The following ADAM2 variants were observed in gnomAD, a reference collection of about 807,000 sequenced individuals.
ADAM2 encodes ADAM metallopeptidase domain 2, also known as disintegrin and metalloproteinase domain-containing protein 2.
A neutral mutation model predicts 99.3 loss-of-function variants in ADAM2; 101 were observed. The observed-to-expected ratio is 1.02, with a 90% CI of 0.87 to 1.20. The LOEUF is 1.20. ADAM2 is among the 50% of genes most tolerant of loss of function. The pLI, the probability that ADAM2 is intolerant of heterozygous loss-of-function variation, is 0.00. For missense variants in ADAM2, 948 were observed against 878.7 expected, an observed-to-expected ratio of 1.08 and a Z score of -1.00; for synonymous variants, 323 against 287.6, an observed-to-expected ratio of 1.12 and a Z score of -1.25.
intron 10 of ADAM2, among the ~76,000 whole-genome samples, chr8:39,779,578 G>A (rs183572074): frequency 1.3e-3 from 196 of 152,200 alleles, no homozygotes; most frequent in Middle Eastern, 3.4e-3. Context: ...AAAGGCAAGT[G>A]ACAATAAAGC....
At chr8:39,810,087 A>G (rs1804629567) in intron 6 of ADAM2, among the ~76,000 whole-genome samples, 1 of 152,200 alleles carries the variant, frequency 6.6e-6, no homozygotes, top group Non-Finnish European at 1.5e-5. Flanking sequence ...GGATGTAGGA[A>G]GACCTACCAA....
At chr8:39,761,786 G>A (rs980571216) in intron 14 of ADAM2, among the ~76,000 whole-genome samples, 2 of 151,950 alleles carry the variant, frequency 1.3e-5, no homozygotes, top group African/African-American at 4.8e-5. Flanking sequence ...ATTCTCATAA[G>A]ATCCAACCTA....
chr8:39,787,024 T>A lies in ADAM2; in HGVS notation c.841A>T (p.Thr281Ser). ...GCATCACACATCTTCCCTTGAAAGG[T>A]TGCACCAACATAATTTGACTTTTCT... ...YREKSNYVGA[T>S]FQGKMCDANY... is the part of the protein sequence containing the mutation. Residue 281 changes from threonine to serine, a missense_variant, in exon 10 of 21, where the codon ACC becomes TCC. By Grantham distance (58) the Thr-to-Ser change is moderately conservative. Transcript: ENST00000265708. The A allele has an allele frequency of 1.3e-6, 2 of 1,591,374 alleles. No individual in the cohort carries two copies. Among genetic ancestry groups the A allele is most frequent in the Non-Finnish European group, 1.7e-6 (2 of 1,168,352 alleles).
At position 39,821,051 on chromosome 8, in the gene ADAM2, T is replaced by C. The variant is rs376829382; in HGVS notation, c.464A>G (p.Glu155Gly). The change falls in exon 6 of 21, where the codon GAG (glutamate) becomes GGG (glycine). Residue 155 changes from glutamate (E) to glycine (G), a missense_variant. Coordinates refer to ENST00000265708, the MANE Select transcript of ADAM2 (RefSeq NM_001464.5). ...HKKADVSLYN[E>G]KDIESRDLSF... The stretch of plus-strand genomic sequence containing the variant: ...CAGATCTCTTGATTCAATATCCTTC[T>C]CATTATATAAGGAAACATCTGCTTT... 9.3e-6 allele frequency: 15 copies of C among 1,605,874 alleles called. No individual in the cohort carries two copies. The highest frequency in any genetic ancestry group is 1.3e-5 in the Non-Finnish European group (15 of 1,174,800).
chr8:39,808,942 G>C (rs1804574664), intron 7 of ADAM2, among the ~76,000 whole-genome samples: 2 of 151,758 alleles, frequency 1.3e-5, no homozygotes, highest in Admixed American at 6.6e-5. Flanking sequence ...AATACATAAA[G>C]AAAAATAAAC....
rs560985186 is a variant in ADAM2 at position 39,755,590 on chromosome 8, C to A, written c.1797+138G>T. On this transcript the variant is annotated intron_variant, in intron 16 of 20. Transcript: ENST00000265708. Reference sequence around the variant, plus strand: ...TCAAGAGGCTGAGGCAGGAGAATCACTTGAACCTGGGTGGCAGAGGTTGCA... The same window carrying A: ...TCAAGAGGCTGAGGCAGGAGAATCAATTGAACCTGGGTGGCAGAGGTTGCA... 1.4e-4 allele frequency: 87 copies of A among 604,792 alleles called. No individual in the cohort carries two copies. In the African/African-American group the frequency reaches 1.6e-3, roughly 11 times the overall value. The allele number at this position is 604,792 out of a possible 1,614,324, so 37.5% of individuals were successfully genotyped here. A position where few individuals can be genotyped will look rare whatever the true frequency, so the allele number is the denominator to read the frequency against.
chr8:39,765,484 G>GA (rs1441564965), intron 14 of ADAM2, among the ~76,000 whole-genome samples: 17 of 152,008 alleles, frequency 1.1e-4, no homozygotes, highest in African/African-American at 4.1e-4. Context: ...TTTGATAACA[G>GA]AAAAAATAGA....
intron 7 of ADAM2, among the ~76,000 whole-genome samples, chr8:39,791,083 C>T (rs1803692189): frequency 6.6e-6 from 1 of 151,396 alleles, no homozygotes; most frequent in Middle Eastern, 3.4e-3. Context: ...GATGTAAGGC[C>T]TCGAATGGGG....
intron 3 of ADAM2, among the ~76,000 whole-genome samples, chr8:39,828,913 A>G (rs915819706): frequency 1.3e-5 from 2 of 151,946 alleles, no homozygotes; most frequent in Non-Finnish European, 2.9e-5. Context: ...TAGGCTATCA[A>G]GATTTATCAT....
At chr8:39,754,826 T>C (rs1351553307) in intron 16 of ADAM2, among the ~76,000 whole-genome samples, 1 of 152,182 alleles carries the variant, frequency 6.6e-6, no homozygotes, top group Non-Finnish European at 1.5e-5. Context: ...TATTTCATAT[T>C]TCATATAATA....
intron 14 of ADAM2, among the ~76,000 whole-genome samples, chr8:39,765,950 C>T (rs1419495592): frequency 3.3e-5 from 5 of 152,102 alleles, no homozygotes; most frequent in Non-Finnish European, 7.4e-5. Flanking sequence ...CTGATTTTTT[C>T]GATATGGGGA....
chr8:39,756,615 C>G (rs1303974274), intron 15 of ADAM2, among the ~76,000 whole-genome samples: 1 of 152,158 alleles, frequency 6.6e-6, no homozygotes, highest in Non-Finnish European at 1.5e-5. Context: ...GCCTCCTAAT[C>G]AGCAAAATCT....
At chr8:39,744,132 A>T (rs969266888) in intron 20 of ADAM2, 68 bp from the exon 21 acceptor site, 1 of 152,156 alleles carries the variant, frequency 6.6e-6, no homozygotes, top group East Asian at 1.9e-4. Flanking sequence ...AACAAATAGC[A>T]TGCAAGTAAC....
intron 11 of ADAM2, among the ~76,000 whole-genome samples, chr8:39,772,696 C>G (rs1013917815): frequency 1.3e-5 from 2 of 152,054 alleles, no homozygotes; most frequent in African/African-American, 4.8e-5. Flanking sequence ...CACATTTCAA[C>G]CATTCATTTT....
In ADAM2 at chr8:39,806,626, A is replaced by G. The variant is rs191284794; in HGVS notation, c.570+2784T>C. The stretch of plus-strand genomic sequence containing the variant: ...GACAAAATAGAATATTTAATTGAGA[A>G]GATTTCCAAGCAAAATGTTAGAGCA... On this transcript the variant is annotated intron_variant, in intron 7 of 20. Coordinates refer to ENST00000265708, the MANE Select transcript of ADAM2 (RefSeq NM_001464.5). Among the ~76,000 whole-genome samples, 171 of 151,966 alleles carry G rather than the reference A, an allele frequency of 1.1e-3. 1 individual carries two copies. Among genetic ancestry groups the G allele is most frequent in the Admixed American group, 1.1e-3 (17 of 15,252 alleles).
intron 19 of ADAM2, 28 bp downstream of exon 19, chr8:39,746,444 A>G (rs375302774): frequency 1.6e-5 from 23 of 1,432,774 alleles, no homozygotes; most frequent in Non-Finnish European, 2.2e-5. Flanking sequence ...TATACAAATA[A>G]CAAATCTTAA....
At chr8:39,750,785 T>G (rs1801900831) in intron 16 of ADAM2, among the ~76,000 whole-genome samples, 1 of 152,146 alleles carries the variant, frequency 6.6e-6, no homozygotes, top group Non-Finnish European at 1.5e-5. Flanking sequence ...AAGTTAAGCA[T>G]AAAGACAAAG....
At chr8:39,769,627 C>G in intron 11 of ADAM2, 52 bp from the exon 12 acceptor site, 1 of 1,276,380 alleles carries the variant, frequency 7.8e-7, no homozygotes, top group Non-Finnish European at 1.1e-6. Flanking sequence ...CATAAACTAC[C>G]TACCCTTAGA....
At chr8:39,775,123 G>A (rs532371980) in intron 11 of ADAM2, among the ~76,000 whole-genome samples, 6 of 152,250 alleles carry the variant, frequency 3.9e-5, no homozygotes, top group African/African-American at 1.4e-4. Flanking sequence ...AGTTGGTCAG[G>A]AATCTGGTGT....
Sources: allele counts gnomAD v4.1 joint callset (sites outside exome capture counted in the v4.1 genomes callset), GRCh38; gene constraint gnomAD v4.1.1; transcripts MANE v1.5; gene names NCBI Gene and HGNC (gene_info 2026-07-23, HGNC 2026-07-21).